Variants in MDFIC2 observed in about 807,000 individuals in gnomAD.
The protein encoded by MDFIC2 is MyoD family inhibitor domain containing 2, also known as myoD family inhibitor domain-containing protein 2.
chr3:70,250,411 T>TCACA (rs61355248), intron 2 of MDFIC2, among the ~76,000 whole-genome samples: 5,000 of 124,798 alleles, frequency 0.04, 82 homozygotes, highest in South Asian at 0.14. Flanking sequence ...TTAATGAATC[T>TCACA]CACACACACA....
At chr3:70,287,595 C>T (rs1470597558) in intron 2 of MDFIC2, among the ~76,000 whole-genome samples, 1 of 152,076 alleles carries the variant, frequency 6.6e-6, no homozygotes, top group South Asian at 2.1e-4. Flanking sequence ...GGAGGATTCC[C>T]TCTTTTTCTA....
chr3:70,301,032 G>A (rs953679056), intron 2 of MDFIC2, among the ~76,000 whole-genome samples: 1 of 151,804 alleles, frequency 6.6e-6, no homozygotes, highest in Non-Finnish European at 1.5e-5. Flanking sequence ...AAGTACCTCC[G>A]CTCTTTATGT....
At chr3:70,199,310 A>G (rs1701211882) in intron 3 of MDFIC2, among the ~76,000 whole-genome samples, 2 of 152,088 alleles carry the variant, frequency 1.3e-5, no homozygotes, top group South Asian at 4.1e-4. Context: ...GCTCTTGCCA[A>G]TGTCTCCTCA....
intron 2 of MDFIC2, among the ~76,000 whole-genome samples, chr3:70,250,444 CACACACAA>C (rs1266586650): frequency 7.4e-6 from 1 of 134,708 alleles, no homozygotes; most frequent in African/African-American, 2.6e-5. Flanking sequence ...CACACACACA[CACACACAA>C]ACACAAACCT....
At chr3:70,267,523 T>C (rs971096955) in intron 2 of MDFIC2, among the ~76,000 whole-genome samples, 3 of 146,548 alleles carry the variant, frequency 2.0e-5, no homozygotes, top group Non-Finnish European at 4.5e-5. Context: ...CTGCCTCAGC[T>C]TCCCGAGTAG....
intron 2 of MDFIC2, among the ~76,000 whole-genome samples, chr3:70,239,222 A>G (rs1298454457): frequency 6.6e-6 from 1 of 152,168 alleles, no homozygotes; most frequent in Non-Finnish European, 1.5e-5. Context: ...ATGTCATGAA[A>G]TTTACCTGTA....
intron 2 of MDFIC2, among the ~76,000 whole-genome samples, chr3:70,219,407 G>T (rs1701442212): frequency 6.6e-6 from 1 of 152,088 alleles, no homozygotes; most frequent in Non-Finnish European, 1.5e-5. Context: ...TTTTTTAGAG[G>T]TGTTGATTTT....
At chr3:70,283,823 T>C (rs1702113166) in intron 2 of MDFIC2, 3 of 151,566 alleles carry the variant, frequency 2.0e-5, no homozygotes, top group Non-Finnish European at 4.4e-5. Context: ...TATGGCCAAA[T>C]GTTAACATCT....
intron 2 of MDFIC2, chr3:70,302,521 A>G (rs1308409719): frequency 3.9e-5 from 6 of 152,144 alleles, no homozygotes; most frequent in Non-Finnish European, 1.5e-5. Context: ...AGCTGTTGTG[A>G]CTTGTAGGAA....
At chr3:70,297,880 T>C (rs1052684334) in intron 2 of MDFIC2, among the ~76,000 whole-genome samples, 3 of 152,168 alleles carry the variant, frequency 2.0e-5, no homozygotes, top group Non-Finnish European at 2.9e-5. Context: ...GTACAGTTGA[T>C]GCATAATGGC....
intron 2 of MDFIC2, among the ~76,000 whole-genome samples, chr3:70,302,247 CT>C (rs1381732688): frequency 2.0e-5 from 3 of 152,010 alleles, no homozygotes; most frequent in Non-Finnish European, 2.9e-5. Context: ...GTTCACATTC[CT>C]TTTTTTATCT....
At chr3:70,245,966 A>T (rs913201121) in intron 2 of MDFIC2, among the ~76,000 whole-genome samples, 13 of 151,542 alleles carry the variant, frequency 8.6e-5, no homozygotes, top group African/African-American at 3.1e-4. Flanking sequence ...TTCTTTTGAT[A>T]TGGTAGGGAA....
At chr3:70,277,197 C>A (rs149383271) in intron 2 of MDFIC2, among the ~76,000 whole-genome samples, 3 of 152,264 alleles carry the variant, frequency 2.0e-5, no homozygotes, top group East Asian at 3.9e-4. Flanking sequence ...GAACAATGAA[C>A]ATAGCCCGTA....
chr3:70,286,674 A>G (rs1559554379), intron 2 of MDFIC2, among the ~76,000 whole-genome samples: 1 of 151,976 alleles, frequency 6.6e-6, no homozygotes, highest in African/African-American at 2.4e-5. Flanking sequence ...CATGATATTG[A>G]TTCTTCCTAC....
chr3:70,199,533 A>C (rs932406887), intron 3 of MDFIC2, among the ~76,000 whole-genome samples: 2 of 152,158 alleles, frequency 1.3e-5, no homozygotes, highest in African/African-American at 4.8e-5. Flanking sequence ...TTGCCCAAAA[A>C]CAACATGGTA....
chr3:70,233,217 A>C (rs1701577898), intron 2 of MDFIC2, among the ~76,000 whole-genome samples: 1 of 152,152 alleles, frequency 6.6e-6, no homozygotes, highest in Non-Finnish European at 1.5e-5. Context: ...CCAAAACCCT[A>C]GTGTAGGAAA....
chr3:70,286,115 G>A (rs952564377), intron 2 of MDFIC2, among the ~76,000 whole-genome samples: 5 of 151,994 alleles, frequency 3.3e-5, no homozygotes, highest in Admixed American at 2.6e-4. Context: ...TTGGTGTTTT[G>A]GACATGAAGT....
At chr3:70,225,488 T>C (rs1701495877) in intron 2 of MDFIC2, among the ~76,000 whole-genome samples, 1 of 152,200 alleles carries the variant, frequency 6.6e-6, no homozygotes, top group Admixed American at 6.5e-5. Flanking sequence ...CCCACTCTTT[T>C]GTTCATTTGC....
At chr3:70,228,336 A>C (rs1017888937) in intron 2 of MDFIC2, among the ~76,000 whole-genome samples, 3 of 152,134 alleles carry the variant, frequency 2.0e-5, no homozygotes, top group African/African-American at 4.8e-5. Context: ...TCTTTAATCA[A>C]AGTTTCATTT....
Sources: allele counts gnomAD v4.1 joint callset (sites outside exome capture counted in the v4.1 genomes callset), GRCh38; gene constraint gnomAD v4.1.1; transcripts MANE v1.5; gene names NCBI Gene and HGNC (gene_info 2026-07-23, HGNC 2026-07-21).